Variants in MICAL3 observed in about 807,000 individuals in gnomAD.
The protein encoded by MICAL3 is [F-actin]-monooxygenase MICAL3.
In MICAL3, 62 loss-of-function variants were observed where a neutral mutation model predicts 207.4. The observed-to-expected ratio is 0.30, with a 90% CI of 0.24 to 0.37. The LOEUF (loss-of-function observed/expected upper bound fraction) is 0.37. MICAL3 is among the 10% of genes least tolerant of loss of function. The probability of loss-of-function intolerance (pLI) is 1.00; values close to 1 mark genes in which losing one functional copy is unlikely to be tolerated. For missense variants in MICAL3, 2,368 were observed against 2,635.6 expected, an observed-to-expected ratio of 0.90 and a Z score of 2.22; for synonymous variants, 1,077 against 1,069.3, an observed-to-expected ratio of 1.01 and a Z score of -0.14.
rs542548753 is a variant in MICAL3 at position 17,900,625 on chromosome 22, C to T, written c.847+217G>A. ...TCAAACAAAAAACAAAACCCAGAGCCGCCCAGTCACTGTGAGGAGGTTAAG... is the reference window on the plus strand; with the variant it reads ...TCAAACAAAAAACAAAACCCAGAGCTGCCCAGTCACTGTGAGGAGGTTAAG... On this transcript the variant is annotated intron_variant, in intron 6 of 31. Coordinates refer to ENST00000441493, the MANE Select transcript of MICAL3 (RefSeq NM_015241.3). This position sits in a 1 kb window ranked among gnomAD's most constrained non-coding sequence, Gnocchi z 4.0. 2.6e-5 allele frequency among the ~76,000 whole-genome samples: 4 copies of T among 152,158 alleles called. No individual in the cohort carries two copies. Among genetic ancestry groups the T allele is most frequent in the East Asian group, 1.9e-4 (1 of 5,170 alleles).
intron 1 of MICAL3, among the ~76,000 whole-genome samples, chr22:17,966,456 T>A (rs914390488): frequency 1.3e-5 from 2 of 152,168 alleles, no homozygotes; most frequent in Non-Finnish European, 2.9e-5. Context: ...TCCAAACAAT[T>A]CAATCCTTAT....
chr22:17,868,253 C>T (rs1176785523), intron 17 of MICAL3, among the ~76,000 whole-genome samples: 2 of 151,788 alleles, frequency 1.3e-5, no homozygotes, highest in African/African-American at 2.4e-5. Context: ...TGGCACAAGT[C>T]ACGTGTACGC....
At chr22:17,858,330 A>G in intron 19 of MICAL3, 2 of 301,708 alleles carry the variant, frequency 6.6e-6, no homozygotes, top group Non-Finnish European at 9.7e-6. Context: ...GGGCCTCACC[A>G]CCCCTTGTTT....
At chr22:17,859,870 C>T (rs1286440729) in intron 19 of MICAL3, among the ~76,000 whole-genome samples, 1 of 152,238 alleles carries the variant, frequency 6.6e-6, no homozygotes, top group Non-Finnish European at 1.5e-5. Context: ...GCACCTGAGG[C>T]CCATGGGCAC....
In MICAL3 at chr22:17,842,784, G is replaced by T. The variant is rs559130620; in HGVS notation, c.2606-767C>A. ...TCAGCATCGTCGGCGATCTTGGCCG[G>T]AGTCCTTTGTGTGCACAGGGCGTCA... On this transcript the variant is annotated intron_variant, in intron 19 of 31. Transcript: ENST00000441493. Among the ~76,000 whole-genome samples the T allele has an allele frequency of 2.9e-4, 44 of 152,328 alleles. No homozygotes were observed. The East Asian group carries it at 8.3e-3, about 29-fold the overall frequency.
At chr22:17,866,141 C>G in intron 17 of MICAL3, 129 bp from the exon 18 acceptor site, 1 of 700,114 alleles carries the variant, frequency 1.4e-6, no homozygotes, top group East Asian at 2.7e-5. Context: ...CCAGCCTTCC[C>G]TGGGCCCAGC....
At chr22:17,871,018 T>A (rs1927670969) in intron 17 of MICAL3, among the ~76,000 whole-genome samples, 1 of 152,204 alleles carries the variant, frequency 6.6e-6, no homozygotes, top group Non-Finnish European at 1.5e-5. Flanking sequence ...TCAAGGTCTT[T>A]ATGCCACCTT....
chr22:17,827,779 C>T lies in MICAL3; in HGVS notation c.3058G>A (p.Gly1020Arg), dbSNP rs776570322. Residue 1020 changes from glycine (G) to arginine (R), a missense_variant and splice_region_variant, in exon 22 of 32, where the codon GGG (glycine) becomes AGG (arginine). This residue lies in a region of MICAL3 where 1,770 missense variants were observed against 1,863.2 expected (regional missense o/e 0.95). Transcript: ENST00000441493. Reference protein sequence around the residue: ...DEEEEESSEAGNQRLQQVMHA... With the variant: ...DEEEEESSEARNQRLQQVMHA... ...ATGACCTGCTGGAGCCTCTGGTTCC[C>T]GGCTAGTGTCCCAGGGTCAAGGGGT... 29 of 1,547,034 alleles carry T rather than the reference C, an allele frequency of 1.9e-5. No homozygotes were observed. Among genetic ancestry groups the T allele is most frequent in the African/African-American group, 4.1e-5 (3 of 73,020 alleles).
At chr22:18,020,788 C>A (rs1924421154) in intron 1 of MICAL3, among the ~76,000 whole-genome samples, 1 of 151,502 alleles carries the variant, frequency 6.6e-6, no homozygotes, top group Non-Finnish European at 1.5e-5. Flanking sequence ...GTGGTGGGCA[C>A]CTGTGGTCCC....
intron 1 of MICAL3, among the ~76,000 whole-genome samples, chr22:18,013,967 T>C (rs1923899947): frequency 6.6e-6 from 1 of 152,048 alleles, no homozygotes; most frequent in African/African-American, 2.4e-5. Context: ...CACCTAATTT[T>C]TAAAGTTTTT....
intron 21 of MICAL3, among the ~76,000 whole-genome samples, chr22:17,829,035 C>G (rs998993783): frequency 3.9e-5 from 6 of 152,118 alleles, no homozygotes; most frequent in African/African-American, 1.4e-4. Context: ...GTTGGAGCTG[C>G]TAGTCTCTAT....
At chr22:17,894,722 A>G (rs1930676916) in intron 10 of MICAL3, among the ~76,000 whole-genome samples, 1 of 150,810 alleles carries the variant, frequency 6.6e-6, no homozygotes, top group Non-Finnish European at 1.5e-5. Context: ...ACTTGAACCC[A>G]GGAAGTGGAG....
intron 1 of MICAL3, among the ~76,000 whole-genome samples, chr22:17,913,019 G>A (rs1435758549): frequency 6.6e-6 from 1 of 152,156 alleles, no homozygotes; most frequent in East Asian, 1.9e-4. Context: ...AGTCTGGTGA[G>A]TATTTCTATC....
At chr22:17,835,826 C>A (rs143235940) in intron 20 of MICAL3, among the ~76,000 whole-genome samples, 4 of 152,236 alleles carry the variant, frequency 2.6e-5, no homozygotes, top group Non-Finnish European at 4.4e-5. Context: ...CAGGGTCACA[C>A]TCTCTCCAAG....
At chr22:17,916,917 G>C (rs1396780036) in intron 1 of MICAL3, among the ~76,000 whole-genome samples, 1 of 152,146 alleles carries the variant, frequency 6.6e-6, no homozygotes, top group East Asian at 1.9e-4. Context: ...CTAGGACACA[G>C]CTCTCTTTTC....
chr22:17,946,987 A>T (rs1934102395), intron 1 of MICAL3, among the ~76,000 whole-genome samples: 1 of 152,202 alleles, frequency 6.6e-6, no homozygotes, highest in African/African-American at 2.4e-5. Flanking sequence ...TTCAGATTTC[A>T]AAGAGTATGG....
intron 20 of MICAL3, among the ~76,000 whole-genome samples, chr22:17,839,178 G>A (rs1923718604): frequency 6.6e-6 from 1 of 151,446 alleles, no homozygotes; most frequent in Admixed American, 6.6e-5. Flanking sequence ...CAAACTCCTG[G>A]GCTCAGGTGA....
intron 1 of MICAL3, among the ~76,000 whole-genome samples, chr22:18,023,186 T>TAA (rs5844347): frequency 4.0e-5 from 6 of 149,982 alleles, no homozygotes; most frequent in African/African-American, 1.2e-4. Flanking sequence ...CCTGGGAAGT[T>TAA]AAAAAAAAAA....
chr22:17,895,504 C>G, intron 9 of MICAL3, 94 bp from the exon 10 acceptor site: 1 of 1,356,730 alleles, frequency 7.4e-7, no homozygotes, highest in Non-Finnish European at 1.0e-6. Flanking sequence ...AGCAAGTCAC[C>G]TGACATGCCT....
Sources: gnomAD v4.1 joint callset for allele counts (sites outside exome capture counted in the v4.1 genomes callset) on GRCh38, gnomAD v4.1.1 for gene constraint, gnomAD v4.1.1 regional missense constraint, Gnocchi (gnomAD v3.1) non-coding constraint, MANE v1.5 for transcripts, NCBI Gene and HGNC (gene_info 2026-07-23, HGNC 2026-07-21) for gene names.